Variants in CEP350 observed in about 807,000 individuals in gnomAD.
CEP350 encodes the protein centrosome-associated protein 350.
A neutral mutation model predicts 331.8 loss-of-function variants in CEP350; 126 were observed. That is an observed-to-expected ratio of 0.38 (90% CI 0.33 to 0.44). The LOEUF is 0.44. CEP350 is among the 20% of genes least tolerant of loss of function. CEP350 has a pLI of 1.00. For synonymous variants in CEP350, 1,200 were observed against 1,259.5 expected (o/e 0.95, Z 1.00); for missense variants, 3,406 against 3,634.6 (o/e 0.94, Z 1.62).
intron 24 of CEP350, 100 bp from the exon 25 acceptor site, chr1:180,054,315 A>C: frequency 1.0e-6 from 1 of 967,246 alleles, no homozygotes; most frequent in Non-Finnish European, 1.6e-6. Context: ...GAAAATGTTA[A>C]ATTGGTTTGT....
intron 14 of CEP350, 147 bp downstream of exon 14, chr1:180,024,729 A>G (rs943189010): frequency 3.3e-6 from 3 of 900,146 alleles, no homozygotes; most frequent in Non-Finnish European, 3.1e-6. Context: ...TTATAATAAT[A>G]CCTTTTGATA....
intron 11 of CEP350, among the ~76,000 whole-genome samples, chr1:180,019,102 C>T (rs1655156731): frequency 6.6e-6 from 1 of 152,192 alleles, no homozygotes; most frequent in Non-Finnish European, 1.5e-5. Flanking sequence ...AGTCATCTGC[C>T]TGCTTTGGCC....
At chr1:180,031,566 A>G in intron 15 of CEP350, 72 bp downstream of exon 15, 3 of 768,644 alleles carry the variant, frequency 3.9e-6, no homozygotes, top group Non-Finnish European at 5.4e-6. Flanking sequence ...AATCCATATA[A>G]TGAATTTTAA....
chr1:179,988,431 G>T (rs1652805653), intron 3 of CEP350, among the ~76,000 whole-genome samples: 1 of 152,138 alleles, frequency 6.6e-6, no homozygotes, highest in Non-Finnish European at 1.5e-5. Flanking sequence ...TTCCAATTTG[G>T]ATGCCCTTTA....
intron 1 of CEP350, among the ~76,000 whole-genome samples, chr1:179,980,681 G>A (rs1652204712): frequency 6.6e-6 from 1 of 152,000 alleles, no homozygotes; most frequent in Non-Finnish European, 1.5e-5. Context: ...ACTAGATTAT[G>A]AGATTGTAGA....
chr1:179,974,586 TCTCTC>T (rs1219695407), intron 1 of CEP350, among the ~76,000 whole-genome samples: 1 of 152,220 alleles, frequency 6.6e-6, no homozygotes, highest in Non-Finnish European at 1.5e-5. Context: ...TTTATGTGTG[TCTCTC>T]CTCTACTTGA....
At chr1:180,022,983 C>T in intron 13 of CEP350, 135 bp downstream of exon 13, 3 of 737,118 alleles carry the variant, frequency 4.1e-6, no homozygotes, top group Non-Finnish European at 6.3e-6. Flanking sequence ...AGTGGAGATC[C>T]AGAGCATGGG....
chr1:180,043,448 C>G (rs1041570180), intron 20 of CEP350, among the ~76,000 whole-genome samples: 1 of 151,974 alleles, frequency 6.6e-6, no homozygotes, highest in Non-Finnish European at 1.5e-5. Context: ...ATTTGAATAG[C>G]CTGGGGGTGC....
In CEP350 at chr1:180,075,344, T is replaced by C. The variant is rs370039393; in HGVS notation, c.5767+123T>C. The C allele has an allele frequency of 3.3e-4, 332 of 1,012,458 alleles. 6 individuals are homozygous for C. In the South Asian group the frequency reaches 5.6e-3, roughly 17 times the overall value. 62.7% of individuals were successfully genotyped at this position (1,012,458 alleles called of 1,614,324 possible). A position where few individuals can be genotyped will look rare whatever the true frequency, so the allele number is the denominator to read the frequency against. On this transcript the variant is annotated intron_variant, in intron 28 of 37. Coordinates refer to ENST00000367607, the MANE Select transcript of CEP350 (RefSeq NM_014810.5). Reference sequence around the variant, plus strand: ...GCTCACGCCTGTAATCCTAACACTTTGGAAGGCCAAGGCCAGAGGATCGCC... The same window carrying C: ...GCTCACGCCTGTAATCCTAACACTTCGGAAGGCCAAGGCCAGAGGATCGCC...
intron 13 of CEP350, among the ~76,000 whole-genome samples, chr1:180,023,971 A>G (rs940086849): frequency 6.6e-6 from 1 of 152,154 alleles, no homozygotes; most frequent in Non-Finnish European, 1.5e-5. Context: ...TAAGGAAAAT[A>G]TGAAATTTTT....
At chr1:179,983,685 C>A (rs1181420031) in intron 1 of CEP350, among the ~76,000 whole-genome samples, 7 of 152,118 alleles carry the variant, frequency 4.6e-5, no homozygotes, top group South Asian at 2.1e-4. Context: ...CCTTCTTTTT[C>A]TTAAATTTAA....
At chr1:179,969,567 C>A in intron 1 of CEP350, 1 of 335,476 alleles carries the variant, frequency 3.0e-6, no homozygotes, top group South Asian at 2.4e-5. Context: ...GGAAAATAAG[C>A]AGCAGTTTCT....
Position 179,992,134 on chromosome 1 carries a change from C to T in CEP350, c.308C>T (p.Ser103Phe). The change falls in exon 5 of 38, where the codon TCT (serine) becomes TTT (phenylalanine). Residue 103 changes from serine (S) to phenylalanine (F), a missense_variant. Coordinates refer to ENST00000367607, the MANE Select transcript of CEP350 (RefSeq NM_014810.5). Reference protein sequence around the residue: ...SKSTKSRKEKSRSPLRATTLE... With the variant: ...SKSTKSRKEKFRSPLRATTLE... ...TCCACTAAATCACGAAAAGAGAAAT[C>T]TCGTAGTCCTCTCAGGGCCACCACC... is the stretch of plus-strand genomic sequence containing the variant. The T allele has an allele frequency of 1.3e-6, 2 of 1,546,958 alleles. No individual in the cohort carries two copies. The highest frequency in any genetic ancestry group is 1.7e-6 in the Non-Finnish European group (2 of 1,149,146).
At chr1:180,083,671 C>G (rs1282839405) in intron 30 of CEP350, among the ~76,000 whole-genome samples, 2 of 152,132 alleles carry the variant, frequency 1.3e-5, no homozygotes, top group East Asian at 3.8e-4. Flanking sequence ...TAATTTCTTG[C>G]AGAATATCCA....
chr1:180,107,671 A>G (rs1315000705), intron 37 of CEP350, among the ~76,000 whole-genome samples: 1 of 152,216 alleles, frequency 6.6e-6, no homozygotes, highest in East Asian at 1.9e-4. Context: ...CCCGTCTCAA[A>G]CAAGTGTAAA....
At chr1:180,058,686 G>A (rs1658009737) in intron 25 of CEP350, among the ~76,000 whole-genome samples, 1 of 152,156 alleles carries the variant, frequency 6.6e-6, no homozygotes, top group South Asian at 2.1e-4. Context: ...AGGGATATGA[G>A]TGACTACTTT....
chr1:180,065,185 G>T lies in CEP350; in HGVS notation c.5480G>T (p.Arg1827Leu). 1 of 1,613,630 alleles carries T rather than the reference G, an allele frequency of 6.2e-7. No individual in the cohort carries two copies. The highest frequency in any genetic ancestry group is 8.5e-7 in the Non-Finnish European group (1 of 1,179,710). Residue 1827 changes from arginine (R) to leucine (L), a missense_variant, in exon 27 of 38, where the codon CGC becomes CTC. Physicochemically the swap from Arg to Leu is moderately radical, Grantham distance 102 (BLOSUM62 -2). This residue lies in a region of CEP350 where 1,415 missense variants were observed against 1,512.3 expected (regional missense o/e 0.94). Transcript: ENST00000367607. ...TSPGPTDLET[R>L]SPSPISISSS... Reference sequence around the variant, plus strand: ...CCTGGTCCAACTGACTTGGAGACCCGCAGTCCTTCTCCCATTTCAATCTCC... The same window carrying T: ...CCTGGTCCAACTGACTTGGAGACCCTCAGTCCTTCTCCCATTTCAATCTCC...
At chr1:180,069,599 A>T (rs917920797) in intron 27 of CEP350, among the ~76,000 whole-genome samples, 2 of 152,112 alleles carry the variant, frequency 1.3e-5, no homozygotes, top group African/African-American at 4.8e-5. Context: ...CATGTGCTGT[A>T]TTATTTTGTT....
At position 179,988,479 on chromosome 1, in the gene CEP350, C is replaced by T. The variant is rs534520454; in HGVS notation, c.120+1193C>T. Among the ~76,000 whole-genome samples, 89 of 152,136 alleles carry T rather than the reference C, an allele frequency of 5.9e-4. 1 individual carries two copies. In the South Asian group the frequency reaches 8.7e-3, roughly 15 times the overall value. ...GTCTGATTGCTCTAGCTGGGACTTC[C>T]AGTACTATGTTGAATAACAGTGTTA... On this transcript the variant is annotated intron_variant, in intron 3 of 37. Transcript: ENST00000367607.
Sources: gnomAD v4.1 joint callset for allele counts (sites outside exome capture counted in the v4.1 genomes callset) on GRCh38, gnomAD v4.1.1 for gene constraint, gnomAD v4.1.1 regional missense constraint, MANE v1.5 for transcripts, NCBI Gene and HGNC (gene_info 2026-07-23, HGNC 2026-07-21) for gene names.